Variants in SAMTOR observed in about 807,000 individuals in gnomAD.
The protein encoded by SAMTOR is UPF0532 protein C7orf60.
At chr7:112,878,108 T>A in the SAMTOR span, among the ~76,000 whole-genome samples, 1 of 152,202 alleles carries the variant, frequency 6.6e-6, no homozygotes, top group Non-Finnish European at 1.5e-5. Flanking sequence ...GAAGTACTTT[T>A]TCTGCGCTTC....
the SAMTOR span, among the ~76,000 whole-genome samples, chr7:112,860,628 C>T: frequency 1.1e-3 from 164 of 152,088 alleles, no homozygotes; most frequent in African/African-American, 3.7e-3. Flanking sequence ...ATTTGCCAGG[C>T]GCCGTGGCTC....
chr7:112,822,517 C>T, the SAMTOR span: 1 of 705,160 alleles, frequency 1.4e-6, no homozygotes. Flanking sequence ...TAAACTTGAA[C>T]AGATGTATTC....
At chr7:112,910,944 G>T in the SAMTOR span, among the ~76,000 whole-genome samples, 1 of 152,040 alleles carries the variant, frequency 6.6e-6, no homozygotes, top group African/African-American at 2.4e-5. Flanking sequence ...AATGCAAAGG[G>T]GTCTAAAGGA....
At chr7:112,895,273 A>G in the SAMTOR span, among the ~76,000 whole-genome samples, 1 of 151,348 alleles carries the variant, frequency 6.6e-6, no homozygotes, top group African/African-American at 2.4e-5. Context: ...TAGCCATAAC[A>G]TATATGTAAT....
the SAMTOR span, among the ~76,000 whole-genome samples, chr7:112,836,169 T>TA: frequency 6.6e-6 from 1 of 152,320 alleles, no homozygotes; most frequent in East Asian, 1.9e-4. Flanking sequence ...GACTTTTTAA[T>TA]AATAGCCATT....
At chr7:112,876,884 C>T in the SAMTOR span, among the ~76,000 whole-genome samples, 5 of 152,126 alleles carry the variant, frequency 3.3e-5, no homozygotes, top group Non-Finnish European at 7.3e-5. Flanking sequence ...CTGTTAAGCC[C>T]TCATTCCTTT....
the SAMTOR span, among the ~76,000 whole-genome samples, chr7:112,834,374 A>T: frequency 6.6e-6 from 1 of 150,814 alleles, no homozygotes; most frequent in Non-Finnish European, 1.5e-5. Flanking sequence ...TCCCATGGAT[A>T]CACTTTACTT....
chr7:112,844,282 G>A, the SAMTOR span, among the ~76,000 whole-genome samples: 1 of 151,938 alleles, frequency 6.6e-6, no homozygotes, highest in Non-Finnish European at 1.5e-5. Context: ...CAGAGCAATC[G>A]GATAAGAGAA....
At chr7:112,885,895 C>CA in the SAMTOR span, among the ~76,000 whole-genome samples, 2 of 152,234 alleles carry the variant, frequency 1.3e-5, no homozygotes, top group African/African-American at 4.8e-5. Flanking sequence ...TATCATACTA[C>CA]TAATAAAGAC....
chr7:112,862,212 G>A, the SAMTOR span, among the ~76,000 whole-genome samples: 196 of 152,268 alleles, frequency 1.3e-3, 1 homozygote, highest in Non-Finnish European at 2.1e-3. Context: ...CTAGGATCAC[G>A]CCACTGCACT....
At chr7:112,888,091 T>G in the SAMTOR span, among the ~76,000 whole-genome samples, 2 of 152,316 alleles carry the variant, frequency 1.3e-5, no homozygotes, top group Admixed American at 1.3e-4. Flanking sequence ...TAAGTACTGC[T>G]GTCAGAACAT....
At chr7:112,894,452 G>A in the SAMTOR span, among the ~76,000 whole-genome samples, 2 of 152,104 alleles carry the variant, frequency 1.3e-5, no homozygotes, top group African/African-American at 4.8e-5. Flanking sequence ...GTGTATTAGT[G>A]CGTTTTCATG....
the SAMTOR span, among the ~76,000 whole-genome samples, chr7:112,926,541 C>T: frequency 1.2e-4 from 18 of 152,082 alleles, no homozygotes; most frequent in African/African-American, 4.1e-4. Context: ...TTCAATTTAA[C>T]GATTTCATTA....
the SAMTOR span, among the ~76,000 whole-genome samples, chr7:112,920,890 G>A: frequency 1.3e-5 from 2 of 151,972 alleles, no homozygotes; most frequent in Non-Finnish European, 2.9e-5. Flanking sequence ...AACTTACAAG[G>A]GACATGAAGG....
the SAMTOR span, among the ~76,000 whole-genome samples, chr7:112,862,876 C>G: frequency 2.0e-5 from 3 of 151,090 alleles, no homozygotes. Flanking sequence ...TTGTAGTGAG[C>G]TGAGATCATG....
the SAMTOR span, among the ~76,000 whole-genome samples, chr7:112,930,044 A>G: frequency 6.6e-6 from 1 of 152,170 alleles, no homozygotes; most frequent in African/African-American, 2.4e-5. Flanking sequence ...AGAACAATTT[A>G]TTTGATTCTG....
the SAMTOR span, among the ~76,000 whole-genome samples, chr7:112,865,522 C>A: frequency 4.0e-5 from 6 of 151,594 alleles, no homozygotes; most frequent in Admixed American, 4.0e-4. Flanking sequence ...GTGATCCGCC[C>A]GCCTAGGCCT....
At chr7:112,860,912 C>CA in the SAMTOR span, among the ~76,000 whole-genome samples, 6,689 of 44,768 alleles carry the variant, frequency 0.15, 931 homozygotes, top group African/African-American at 0.36. Context: ...GACTCTGTCT[C>CA]AAAAAAAAAA....
the SAMTOR span, among the ~76,000 whole-genome samples, chr7:112,840,132 C>T: frequency 3.3e-5 from 5 of 151,896 alleles, no homozygotes; most frequent in South Asian, 2.1e-4. Flanking sequence ...TTGAGGGGTA[C>T]GATGGAGTCT....
Sources: gnomAD v4.1 joint callset for allele counts (sites outside exome capture counted in the v4.1 genomes callset) on GRCh38, gnomAD v4.1.1 for gene constraint, MANE v1.5 for transcripts, NCBI Gene and HGNC (gene_info 2026-07-23, HGNC 2026-07-21) for gene names.